MLIP: variants seen among roughly 807,000 people sequenced by gnomAD.
MLIP encodes muscular LMNA interacting protein.
In MLIP, 79 loss-of-function variants were observed where a neutral mutation model predicts 84.8. That is an observed-to-expected ratio of 0.93 (90% CI 0.78 to 1.12). The LOEUF (loss-of-function observed/expected upper bound fraction) is 1.12. Among genes scored for constraint, MLIP ranks in the 50% most tolerant of loss-of-function variants. The pLI, the probability that MLIP is intolerant of heterozygous loss-of-function variation, is 0.00. For synonymous variants in MLIP, 504 were observed against 463.0 expected (o/e 1.09, Z -1.14); for missense variants, 1,257 against 1,160.6 (o/e 1.08, Z -1.21).
At chr6:54,239,651 G>A (rs915903842) in intron 12 of MLIP, among the ~76,000 whole-genome samples, 3 of 151,166 alleles carry the variant, frequency 2.0e-5, no homozygotes, top group African/African-American at 4.9e-5. Context: ...GCTGGGCATG[G>A]TGACACATGC....
upstream of MLIP, among the ~76,000 whole-genome samples, chr6:54,108,224 C>A (rs1170709437): frequency 1.3e-5 from 2 of 152,222 alleles, no homozygotes; most frequent in Non-Finnish European, 2.9e-5. Context: ...TTCAACAGAG[C>A]AGTTTGTGTT....
At chr6:54,116,110 C>T (rs1170242869) in intron 1 of MLIP, among the ~76,000 whole-genome samples, 1 of 152,010 alleles carries the variant, frequency 6.6e-6, no homozygotes, top group Non-Finnish European at 1.5e-5. Context: ...CTCATGGGCA[C>T]TGACATGAAC....
At chr6:54,100,158 T>A (rs1217930215) in intron 1 of MLIP, among the ~76,000 whole-genome samples, 1 of 152,106 alleles carries the variant, frequency 6.6e-6, no homozygotes, top group Non-Finnish European at 1.5e-5. Flanking sequence ...GTTGGAGACG[T>A]CCCATGTATA....
At chr6:54,125,983 A>T (rs1354341238) in intron 3 of MLIP, among the ~76,000 whole-genome samples, 1 of 151,720 alleles carries the variant, frequency 6.6e-6, no homozygotes, top group East Asian at 1.9e-4. Flanking sequence ...CTGGTAGTAA[A>T]AGACACACAC....
chr6:54,190,693 A>T (rs1222278977), intron 10 of MLIP, among the ~76,000 whole-genome samples: 2 of 152,100 alleles, frequency 1.3e-5, no homozygotes, highest in African/African-American at 4.8e-5. Flanking sequence ...ATTAAATGAG[A>T]GAATTATTTT....
intron 1 of MLIP, among the ~76,000 whole-genome samples, chr6:54,032,757 T>C (rs1248106450): frequency 6.6e-6 from 1 of 152,198 alleles, no homozygotes; most frequent in Non-Finnish European, 1.5e-5. Context: ...TTTTGCCATG[T>C]TGGCTAGGCT....
intron 1 of MLIP, among the ~76,000 whole-genome samples, chr6:54,033,047 T>C (rs2150286436): frequency 6.6e-6 from 1 of 152,300 alleles, no homozygotes; most frequent in Admixed American, 6.5e-5. Context: ...TTACAAAACA[T>C]CTTTAATTAA....
chr6:54,035,809 G>T (rs1341971663), intron 1 of MLIP, among the ~76,000 whole-genome samples: 1 of 151,516 alleles, frequency 6.6e-6, no homozygotes, highest in Non-Finnish European at 1.5e-5. Flanking sequence ...TTTTAATTGG[G>T]GTTTTTGTTT....
chr6:54,169,919 C>T (rs1389803660), intron 9 of MLIP, among the ~76,000 whole-genome samples: 1 of 151,702 alleles, frequency 6.6e-6, no homozygotes, highest in African/African-American at 2.4e-5. Flanking sequence ...ATACTTGAAA[C>T]ATTAAGATTT....
chr6:54,199,556 T>G (rs1172605285), intron 10 of MLIP, among the ~76,000 whole-genome samples: 2 of 152,142 alleles, frequency 1.3e-5, no homozygotes, highest in Admixed American at 6.6e-5. Context: ...GAGGCTACCA[T>G]GCAGATGACT....
chr6:54,149,133 T>G lies in MLIP; in HGVS notation c.2289+6T>G. On this transcript the variant is annotated splice_donor_region_variant and intron_variant, in intron 5 of 13. Transcript: ENST00000502396. The stretch of plus-strand genomic sequence containing the variant: ...CATTGCTTTTGGAACAGAAGGTCAG[T>G]GTTGGCTCAAAAACAGTGAATTTTA... 6.2e-7 allele frequency: 1 copy of G among 1,609,778 alleles called. No individual in the cohort carries two copies. Among genetic ancestry groups the G allele is most frequent in the Non-Finnish European group, 8.5e-7 (1 of 1,177,386 alleles).
chr6:54,066,209 G>A (rs1766221099), intron 1 of MLIP, among the ~76,000 whole-genome samples: 1 of 99,222 alleles, frequency 1.0e-5, no homozygotes, highest in South Asian at 3.6e-4. Flanking sequence ...TGAATTATTA[G>A]GTCAAAGACT....
chr6:54,110,827 C>T (rs1169918483), upstream of MLIP, among the ~76,000 whole-genome samples: 1 of 152,222 alleles, frequency 6.6e-6, no homozygotes, highest in Non-Finnish European at 1.5e-5. Flanking sequence ...TTCTCACTGT[C>T]TTCCAGGAAC....
At chr6:54,247,105 G>A (rs540136766) in intron 12 of MLIP, among the ~76,000 whole-genome samples, 1 of 152,226 alleles carries the variant, frequency 6.6e-6, no homozygotes, top group African/African-American at 2.4e-5. Context: ...GGCCTTGAAT[G>A]CCTGAGAATA....
chr6:54,174,464 C>T (rs967844698), intron 9 of MLIP, among the ~76,000 whole-genome samples: 1 of 152,006 alleles, frequency 6.6e-6, no homozygotes, highest in Non-Finnish European at 1.5e-5. Context: ...GATAATATCT[C>T]ATTGTAGTTT....
At chr6:54,121,395 C>A (rs1770437529) in intron 1 of MLIP, 52 bp from the exon 2 acceptor site, 1 of 1,577,118 alleles carries the variant, frequency 6.3e-7, no homozygotes, top group South Asian at 1.1e-5. Flanking sequence ...AGAATAAAGG[C>A]AAGATAAACC....
At chr6:54,091,195 C>A (rs934486667) in intron 1 of MLIP, among the ~76,000 whole-genome samples, 1 of 152,080 alleles carries the variant, frequency 6.6e-6, no homozygotes, top group African/African-American at 2.4e-5. Context: ...GTAGAGTAAA[C>A]CCCTGGTTGA....
chr6:54,254,129 GTT>G (rs68110508), intron 12 of MLIP, among the ~76,000 whole-genome samples: 83 of 129,460 alleles, frequency 6.4e-4, no homozygotes, highest in Admixed American at 8.8e-4. Flanking sequence ...TTTTTTTGCT[GTT>G]TTTTTTTTTT....
intron 1 of MLIP, among the ~76,000 whole-genome samples, chr6:54,023,182 TAATA>T (rs1561871719): frequency 2.0e-5 from 3 of 148,052 alleles, no homozygotes; most frequent in Admixed American, 2.0e-4. Context: ...ATAATAATAA[TAATA>T]ATAATAATAA....
Sources: allele counts gnomAD v4.1 joint callset (sites outside exome capture counted in the v4.1 genomes callset), GRCh38; gene constraint gnomAD v4.1.1; transcripts MANE v1.5; gene names NCBI Gene and HGNC (gene_info 2026-07-23, HGNC 2026-07-21).